The following AGBL4 variants were observed in gnomAD, a reference collection of about 807,000 sequenced individuals.
AGBL4 encodes the protein cytosolic carboxypeptidase 6.
AGBL4 carries 58 observed loss-of-function variants against 66.4 expected under a neutral mutation model. That is an observed-to-expected ratio of 0.87 (90% CI 0.71 to 1.09). The LOEUF is 1.09. Ranked by LOEUF, AGBL4 falls within the 50% of genes least tolerant of loss-of-function variation. The pLI, the probability that AGBL4 is intolerant of heterozygous loss-of-function variation, is 0.00. For synonymous variants in AGBL4, 234 were observed against 222.9 expected (o/e 1.05, Z -0.44); for missense variants, 579 against 631.0 (o/e 0.92, Z 0.88).
chr1:49,645,990 A>G lies in AGBL4; in HGVS notation c.282+51323T>C, dbSNP rs1645880914. Reference sequence around the variant, plus strand: ...TATCCAACATCAGTTCCTCATTACAACTCTCCGTAAACTACTAATAGAAGC... The same window carrying G: ...TATCCAACATCAGTTCCTCATTACAGCTCTCCGTAAACTACTAATAGAAGC... On this transcript the variant is annotated intron_variant, in intron 3 of 13. Coordinates refer to ENST00000371839, the MANE Select transcript of AGBL4 (RefSeq NM_032785.4). Among the ~76,000 whole-genome samples, 3 of 151,530 alleles carry G rather than the reference A, an allele frequency of 2.0e-5. No individual in the cohort carries two copies. The South Asian group carries it at 6.2e-4, about 31-fold the overall frequency.
intron 1 of AGBL4, among the ~76,000 whole-genome samples, chr1:49,917,762 A>C (rs540060826): frequency 1.9e-3 from 292 of 152,206 alleles, no homozygotes; most frequent in African/African-American, 6.4e-3. Flanking sequence ...ACTCTCCACC[A>C]CAAATCAACA....
chr1:49,194,447 G>T (rs942829690), intron 4 of AGBL4, among the ~76,000 whole-genome samples: 4 of 152,120 alleles, frequency 2.6e-5, no homozygotes, highest in African/African-American at 9.7e-5. Flanking sequence ...CATATAATTG[G>T]ATCATGATTT....
At chr1:49,981,813 A>G (rs987975473) in intron 1 of AGBL4, among the ~76,000 whole-genome samples, 3 of 152,246 alleles carry the variant, frequency 2.0e-5, no homozygotes, top group African/African-American at 7.2e-5. Flanking sequence ...TGGTAAATAA[A>G]TCTGATAAAT....
At chr1:49,955,493 C>A (rs1656519084) in intron 1 of AGBL4, among the ~76,000 whole-genome samples, 1 of 151,848 alleles carries the variant, frequency 6.6e-6, no homozygotes, top group African/African-American at 2.4e-5. Flanking sequence ...GCAGAAGCAG[C>A]AAGGGTCCCA....
intron 5 of AGBL4, among the ~76,000 whole-genome samples, chr1:48,948,947 T>C (rs1656741508): frequency 6.6e-6 from 1 of 152,198 alleles, no homozygotes; most frequent in Non-Finnish European, 1.5e-5. Flanking sequence ...ACATGTATTG[T>C]GCACTCACTC....
chr1:48,686,521 G>A (rs17104660), intron 6 of AGBL4, among the ~76,000 whole-genome samples: 8,711 of 152,276 alleles, frequency 0.057, 840 homozygotes, highest in African/African-American at 0.2. Flanking sequence ...TGTTCAATGA[G>A]AATGTGTTGA....
intron 9 of AGBL4, among the ~76,000 whole-genome samples, chr1:48,596,316 T>G (rs374206797): frequency 1.3e-5 from 2 of 152,114 alleles, no homozygotes; most frequent in East Asian, 3.9e-4. Context: ...TTGAGGTATG[T>G]GTGTGGGAGG....
At chr1:48,835,125 A>C (rs760695883) in intron 6 of AGBL4, among the ~76,000 whole-genome samples, 2 of 152,142 alleles carry the variant, frequency 1.3e-5, no homozygotes, top group Non-Finnish European at 2.9e-5. Flanking sequence ...GCTTCTCAGA[A>C]ACAAAGGTCT....
intron 9 of AGBL4, among the ~76,000 whole-genome samples, chr1:48,605,926 A>G (rs1645147918): frequency 6.6e-6 from 1 of 152,238 alleles, no homozygotes; most frequent in East Asian, 1.9e-4. Context: ...TAAAGAGTAC[A>G]TCATAAGCAA....
intron 4 of AGBL4, among the ~76,000 whole-genome samples, chr1:49,111,955 A>G (rs1371448093): frequency 1.3e-5 from 2 of 152,226 alleles, no homozygotes; most frequent in Non-Finnish European, 2.9e-5. Context: ...TGGCATAGGC[A>G]GAGTAGGTTA....
At chr1:49,377,828 C>T (rs540481836) in intron 3 of AGBL4, among the ~76,000 whole-genome samples, 1 of 152,208 alleles carries the variant, frequency 6.6e-6, no homozygotes, top group African/African-American at 2.4e-5. Flanking sequence ...CACACCTGTA[C>T]CTGGCTCCAG....
chr1:49,347,196 T>C (rs1199279947), intron 3 of AGBL4, among the ~76,000 whole-genome samples: 6 of 152,110 alleles, frequency 3.9e-5, no homozygotes, highest in Admixed American at 1.3e-4. Flanking sequence ...CTCCTCTTGC[T>C]TTGGAGAATG....
chr1:48,564,034 G>C (rs370710320), intron 11 of AGBL4, among the ~76,000 whole-genome samples: 8 of 152,056 alleles, frequency 5.3e-5, no homozygotes, highest in African/African-American at 1.9e-4. Context: ...GATCAGCCAG[G>C]GGGGTATTGT....
At chr1:49,912,766 C>T (rs373062418) in intron 1 of AGBL4, among the ~76,000 whole-genome samples, 88 of 152,308 alleles carry the variant, frequency 5.8e-4, no homozygotes, top group Non-Finnish European at 9.7e-4. Context: ...TTTGGCTCAA[C>T]AGTTCTGTAG....
At chr1:48,530,236 T>C (rs1405295369), downstream of AGBL4, among the ~76,000 whole-genome samples, 1 of 152,164 alleles carries the variant, frequency 6.6e-6, no homozygotes, top group Non-Finnish European at 1.5e-5. Flanking sequence ...TTTTTTCTCA[T>C]CTTCGAAGTG....
intron 1 of AGBL4, among the ~76,000 whole-genome samples, chr1:49,908,536 C>G (rs1650497503): frequency 1.3e-5 from 2 of 152,200 alleles, no homozygotes; most frequent in African/African-American, 4.8e-5. Flanking sequence ...CAGATGCCAA[C>G]ATTACACTTC....
At position 49,877,932 on chromosome 1, in the gene AGBL4, C is replaced by T. The variant is rs1239123108; in HGVS notation, c.35-26414G>A. On this transcript the variant is annotated intron_variant, in intron 1 of 13. Transcript: ENST00000371839. ...AATGTATCCATTTCTTCTAGATTTT[C>T]TAGTTTATTTGTGTAGAGGTGTTTG... is the stretch of plus-strand genomic sequence containing the variant. Among the ~76,000 whole-genome samples, 10 of 152,196 alleles carry T rather than the reference C, an allele frequency of 6.6e-5. 1 individual carries two copies. In the South Asian group the frequency reaches 1.5e-3, roughly 22 times the overall value.
chr1:49,972,107 C>A (rs565576875), intron 1 of AGBL4, among the ~76,000 whole-genome samples: 1 of 150,880 alleles, frequency 6.6e-6, no homozygotes, highest in East Asian at 2.0e-4. Flanking sequence ...TCAGTAGAGA[C>A]GGGGTTTCAC....
intron 4 of AGBL4, among the ~76,000 whole-genome samples, chr1:49,197,795 T>C (rs747352802): frequency 7.9e-5 from 12 of 152,200 alleles, no homozygotes; most frequent in Non-Finnish European, 1.3e-4. Flanking sequence ...TCTAGTCCCA[T>C]GAAAGGGAGC....
Sources: gnomAD v4.1 joint callset for allele counts (sites outside exome capture counted in the v4.1 genomes callset) on GRCh38, gnomAD v4.1.1 for gene constraint, MANE v1.5 for transcripts, NCBI Gene and HGNC (gene_info 2026-07-23, HGNC 2026-07-21) for gene names.